The following NSMCE2 variants were observed in gnomAD, a reference collection of about 807,000 sequenced individuals.
NSMCE2 encodes the protein NSE2 SUMO ligase component of SMC5/6 complex, also known as E3 SUMO-protein ligase NSE2.
NSMCE2 carries 24 observed loss-of-function variants against 23.8 expected under a neutral mutation model. That is an observed-to-expected ratio of 1.01 (90% CI 0.73 to 1.42). The LOEUF (loss-of-function observed/expected upper bound fraction) is 1.42, where lower values mean the gene tolerates loss of function less well. Ranked by LOEUF, NSMCE2 falls within the 40% of genes most tolerant of loss-of-function variation. The probability of loss-of-function intolerance (pLI) is 0.00; values close to 1 mark genes in which losing one functional copy is unlikely to be tolerated. For missense variants in NSMCE2, 284 were observed against 296.5 expected (o/e 0.96, Z 0.31); for synonymous variants, 92 against 94.1 (o/e 0.98, Z 0.13).
chr8:125,290,045 C>G (rs1373690896), intron 5 of NSMCE2, among the ~76,000 whole-genome samples: 1 of 152,134 alleles, frequency 6.6e-6, no homozygotes, highest in Non-Finnish European at 1.5e-5. Context: ...GGAAATGAGT[C>G]TGTATTACAA....
intron 5 of NSMCE2, among the ~76,000 whole-genome samples, chr8:125,217,354 TA>T (rs1214269541): frequency 1.3e-5 from 2 of 149,808 alleles, no homozygotes; most frequent in African/African-American, 4.9e-5. Flanking sequence ...TTTATTTATT[TA>T]TTTATTTTTT....
chr8:125,143,815 T>C (rs1273146201), intron 3 of NSMCE2, among the ~76,000 whole-genome samples: 2 of 152,154 alleles, frequency 1.3e-5, no homozygotes. Flanking sequence ...TGTGCCTCCC[T>C]AACACACACA....
chr8:125,333,402 C>T (rs1263239328), intron 5 of NSMCE2, among the ~76,000 whole-genome samples: 2 of 151,662 alleles, frequency 1.3e-5, no homozygotes, highest in African/African-American at 2.4e-5. Flanking sequence ...GAACTCCTGG[C>T]CTCAAGTGAT....
intron 5 of NSMCE2, among the ~76,000 whole-genome samples, chr8:125,255,413 G>A (rs1180346646): frequency 9.2e-5 from 14 of 152,154 alleles, no homozygotes; most frequent in Non-Finnish European, 1.0e-4. Flanking sequence ...GGAACACTGA[G>A]TCGAGACACC....
At chr8:125,286,439 A>G (rs959575932) in intron 5 of NSMCE2, among the ~76,000 whole-genome samples, 3 of 151,600 alleles carry the variant, frequency 2.0e-5, no homozygotes, top group African/African-American at 4.9e-5. Flanking sequence ...CAGCCTCCCA[A>G]GTAGCTGGGA....
At chr8:125,317,631 G>C (rs1025268046) in intron 5 of NSMCE2, among the ~76,000 whole-genome samples, 10 of 152,110 alleles carry the variant, frequency 6.6e-5, no homozygotes, top group Admixed American at 1.3e-4. Context: ...CTGAAGTCTA[G>C]GTCAGCATAA....
intron 5 of NSMCE2, among the ~76,000 whole-genome samples, chr8:125,244,357 AAACTT>A (rs1825877141): frequency 6.6e-6 from 1 of 152,162 alleles, no homozygotes; most frequent in Non-Finnish European, 1.5e-5. Context: ...GGAGGGGAAA[AAACTT>A]AATCAATATG....
intron 5 of NSMCE2, among the ~76,000 whole-genome samples, chr8:125,313,594 C>T (rs1041650324): frequency 1.1e-4 from 16 of 152,134 alleles, no homozygotes; most frequent in African/African-American, 3.4e-4. Context: ...TTGTCACCTT[C>T]CACATAAAGG....
intron 5 of NSMCE2, among the ~76,000 whole-genome samples, chr8:125,255,943 G>T (rs998339028): frequency 6.6e-5 from 10 of 152,096 alleles, no homozygotes; most frequent in African/African-American, 2.2e-4. Context: ...AGAGAAACTA[G>T]AGTCAAGAAA....
intron 5 of NSMCE2, among the ~76,000 whole-genome samples, chr8:125,293,581 G>A (rs1828200768): frequency 7.4e-6 from 1 of 135,114 alleles, no homozygotes; most frequent in African/African-American, 3.0e-5. Context: ...CAAACAGGAG[G>A]AAGGTTTAGT....
chr8:125,242,963 A>G (rs949706774), intron 5 of NSMCE2, among the ~76,000 whole-genome samples: 2 of 152,122 alleles, frequency 1.3e-5, no homozygotes, highest in African/African-American at 2.4e-5. Context: ...GTTTATATCA[A>G]AAACCCACAA....
chr8:125,362,744 T>A (rs1013307753), intron 7 of NSMCE2, among the ~76,000 whole-genome samples: 2 of 152,240 alleles, frequency 1.3e-5, no homozygotes, highest in Non-Finnish European at 2.9e-5. Context: ...TTGGGAGGGC[T>A]ATTTGGTTCA....
chr8:125,148,062 A>G (rs919219182), intron 3 of NSMCE2, among the ~76,000 whole-genome samples: 1 of 152,102 alleles, frequency 6.6e-6, no homozygotes, highest in East Asian at 1.9e-4. Flanking sequence ...TGTGATCCTC[A>G]GTTCTTTTTA....
intron 7 of NSMCE2, among the ~76,000 whole-genome samples, chr8:125,360,397 G>A (rs1331076050): frequency 6.6e-6 from 1 of 152,216 alleles, no homozygotes; most frequent in Non-Finnish European, 1.5e-5. Context: ...CAGAGAGCCA[G>A]CAAGGCAGGA....
intron 5 of NSMCE2, among the ~76,000 whole-genome samples, chr8:125,203,910 TA>T (rs1382355934): frequency 2.0e-5 from 3 of 152,184 alleles, no homozygotes; most frequent in Non-Finnish European, 1.5e-5. Context: ...TTTAAAAAAA[TA>T]AAATTTCAGT....
At chr8:125,131,580 G>A (rs1819774083) in intron 3 of NSMCE2, among the ~76,000 whole-genome samples, 1 of 152,042 alleles carries the variant, frequency 6.6e-6, no homozygotes, top group Admixed American at 6.6e-5. Context: ...CAACACCATG[G>A]TAGCTTTTCA....
At chr8:125,175,931 C>CT (rs1024584975) in intron 4 of NSMCE2, among the ~76,000 whole-genome samples, 2 of 152,112 alleles carry the variant, frequency 1.3e-5, no homozygotes, top group Non-Finnish European at 1.5e-5. Context: ...CTACCATTAT[C>CT]TTTTTTCCTG....
intron 5 of NSMCE2, among the ~76,000 whole-genome samples, chr8:125,260,368 C>T (rs1826634961): frequency 1.3e-5 from 2 of 152,208 alleles, no homozygotes; most frequent in South Asian, 4.2e-4. Flanking sequence ...TCTACCAAGA[C>T]AGCACTTTAG....
At chr8:125,364,373 GTT>G (rs1351753235) in intron 7 of NSMCE2, among the ~76,000 whole-genome samples, 1 of 152,212 alleles carries the variant, frequency 6.6e-6, no homozygotes, top group Non-Finnish European at 1.5e-5. Flanking sequence ...ATGTTGGACT[GTT>G]GGGCTTCCTA....
Sources: allele counts gnomAD v4.1 joint callset (sites outside exome capture counted in the v4.1 genomes callset), GRCh38; gene constraint gnomAD v4.1.1; transcripts MANE v1.5; gene names NCBI Gene and HGNC (gene_info 2026-07-23, HGNC 2026-07-21).